Variants in WFDC9 observed in about 807,000 individuals in gnomAD.
WFDC9 encodes WAP four-disulfide core domain 9, also known as protein WFDC9.
WFDC9 carries 9 observed loss-of-function variants against 9.5 expected under a neutral mutation model. The ratio of observed to expected loss-of-function variants is 0.95; its 90% CI spans 0.57 to 1.65. The LOEUF is 1.65. Among genes scored for constraint, WFDC9 ranks in the 40% most tolerant of loss-of-function variants. The pLI is 0.00. For missense variants in WFDC9, 87 were observed against 106.7 expected, an observed-to-expected ratio of 0.82 and a Z score of 0.81; for synonymous variants, 33 against 32.3, an observed-to-expected ratio of 1.02 and a Z score of -0.07.
intron 3 of WFDC9, among the ~76,000 whole-genome samples, chr20:45,609,266 T>G (rs3092639): frequency 0.088 from 13,247 of 150,668 alleles, 592 homozygotes; most frequent in Middle Eastern, 0.11. Flanking sequence ...TGCAACGGCA[T>G]GATCTCAGCT....
At chr20:45,610,992 G>C (rs1981848644) in intron 2 of WFDC9, among the ~76,000 whole-genome samples, 1 of 152,190 alleles carries the variant, frequency 6.6e-6, no homozygotes, top group Non-Finnish European at 1.5e-5. Context: ...AGACTTTAAA[G>C]GGTGACTTTA....
intron 1 of WFDC9, among the ~76,000 whole-genome samples, chr20:45,624,762 A>G (rs1982179229): frequency 6.6e-6 from 1 of 152,172 alleles, no homozygotes; most frequent in Non-Finnish European, 1.5e-5. Flanking sequence ...TATTGTAGCG[A>G]TCCTGACTGG....
At chr20:45,629,399 G>T (rs1048899925) in intron 1 of WFDC9, 3 of 154,486 alleles carry the variant, frequency 1.9e-5, no homozygotes, top group African/African-American at 4.8e-5. Context: ...TATATTAAAA[G>T]GATTGTTTAT....
At chr20:45,623,263 A>G (rs1451992853) in intron 1 of WFDC9, among the ~76,000 whole-genome samples, 11 of 152,192 alleles carry the variant, frequency 7.2e-5, no homozygotes, top group African/African-American at 2.4e-4. Flanking sequence ...ATGTTGTTGC[A>G]TCTTTATTTC....
intron 1 of WFDC9, chr20:45,629,676 C>T: frequency 1.8e-6 from 2 of 1,123,358 alleles, no homozygotes; most frequent in South Asian, 3.2e-5. Context: ...CTCTCTTGCT[C>T]TGCTCCGACT....
chr20:45,622,997 T>C (rs4812939), intron 1 of WFDC9, among the ~76,000 whole-genome samples: 2,947 of 152,268 alleles, frequency 0.019, 98 homozygotes, highest in Admixed American at 0.099. Flanking sequence ...TAGGTTAAGT[T>C]AAGCTAAGTG....
intron 3 of WFDC9, 97 bp from the exon 4 acceptor site, chr20:45,608,907 C>G: frequency 1.5e-6 from 2 of 1,329,530 alleles, no homozygotes; most frequent in Non-Finnish European, 2.0e-6. Flanking sequence ...GAGCTCCAAG[C>G]CACAAAGTAT....
Position 45,627,797 on chromosome 20 carries a change from C to A in WFDC9, c.-153+3406G>T, listed in dbSNP as rs571281935. 2.2e-4 allele frequency among the ~76,000 whole-genome samples: 34 copies of A among 152,188 alleles called. No individual in the cohort carries two copies. The South Asian group carries it at 7.1e-3, about 32-fold the overall frequency. ...TTTTGAGTAATTGTCTTTTTTTAGA[C>A]TAATTTCTAATTATTTCCATTATAG... On this transcript the variant is annotated intron_variant, in intron 1 of 4. Coordinates refer to ENST00000326000, the MANE Select transcript of WFDC9 (RefSeq NM_147198.4).
At chr20:45,620,255 G>C (rs1357019302) in intron 1 of WFDC9, among the ~76,000 whole-genome samples, 1 of 152,078 alleles carries the variant, frequency 6.6e-6, no homozygotes, top group Non-Finnish European at 1.5e-5. Flanking sequence ...TAGTCATTTG[G>C]AATTTTTTAG....
chr20:45,612,905 G>A (rs376750854), intron 2 of WFDC9, among the ~76,000 whole-genome samples: 3 of 152,066 alleles, frequency 2.0e-5, no homozygotes, highest in African/African-American at 7.2e-5. Context: ...CAAATAGGAA[G>A]GAAAATAAGA....
In WFDC9 at chr20:45,608,134, G is replaced by C. The variant is rs199575341; in HGVS notation, c.246C>G (p.Pro82=). 3 of 1,612,354 alleles carry C rather than the reference G, an allele frequency of 1.9e-6. No homozygotes were observed. The highest frequency in any genetic ancestry group is 4.5e-5 in the East Asian group (2 of 44,868). The change falls in exon 5 of 5, where the codon CCC becomes CCG. Residue 82 remains proline, a synonymous_variant. Transcript: ENST00000326000. Reference sequence around the variant, plus strand: ...TCTAGGGGTTTAGCATTGATTTAAGGGGCTCTCTAGAAGAGAAAAGTTAGT... The same window carrying C: ...TCTAGGGGTTTAGCATTGATTTAAGCGGCTCTCTAGAAGAGAAAAGTTAGT... ...CGNICLDNEE[P]LKSMLNP is the part of the protein sequence containing the mutation.
At chr20:45,623,045 C>T (rs1600922358) in intron 1 of WFDC9, among the ~76,000 whole-genome samples, 2 of 152,004 alleles carry the variant, frequency 1.3e-5, no homozygotes, top group South Asian at 4.2e-4. Context: ...GAGGGGGAAA[C>T]TAATGGATGG....
intron 4 of WFDC9, 59 bp downstream of exon 4, chr20:45,608,604 G>A (rs567249157): frequency 1.3e-4 from 197 of 1,547,618 alleles, no homozygotes; most frequent in African/African-American, 6.1e-4. Flanking sequence ...TTGAATAGTC[G>A]GTAAGGACCA....
chr20:45,608,725 A>C lies in WFDC9; in HGVS notation c.177T>G (p.Thr59=). 1 of 1,614,120 alleles carries C rather than the reference A, an allele frequency of 6.2e-7. No individual in the cohort carries two copies. The highest frequency in any genetic ancestry group is 8.5e-7 in the Non-Finnish European group (1 of 1,179,968). The change falls in exon 4 of 5, where the codon ACT becomes ACG. Residue 59 remains threonine (T), a synonymous_variant. Transcript: ENST00000326000. ...AGCATGTATGATTTGGACGTACACA[A>C]GTCATTATTTTAGTACACCTTTTCT... ...YCEKRCTKIM[T]CVRPNHTCCW... is the part of the protein sequence containing the mutation.
At chr20:45,630,385 G>A (rs1568655982) in intron 1 of WFDC9, among the ~76,000 whole-genome samples, 1 of 152,088 alleles carries the variant, frequency 6.6e-6, no homozygotes, top group Non-Finnish European at 1.5e-5. Flanking sequence ...GGAGAGTGGT[G>A]GTGGAAAGGG....
chr20:45,612,406 A>G (rs1981881207), intron 2 of WFDC9, among the ~76,000 whole-genome samples: 2 of 152,120 alleles, frequency 1.3e-5, no homozygotes, highest in East Asian at 3.9e-4. Context: ...GGTGAACAAA[A>G]CAGACAAAAA....
chr20:45,622,357 A>G (rs951788781), intron 1 of WFDC9, among the ~76,000 whole-genome samples: 2 of 152,064 alleles, frequency 1.3e-5, no homozygotes, highest in African/African-American at 2.4e-5. Flanking sequence ...TTCTTTCTCT[A>G]TTCTTTTATG....
chr20:45,619,900 C>T (rs1447328338), intron 1 of WFDC9, among the ~76,000 whole-genome samples: 2 of 152,038 alleles, frequency 1.3e-5, no homozygotes, highest in Non-Finnish European at 2.9e-5. Flanking sequence ...GTGGTGGGTG[C>T]CTATAATCCC....
chr20:45,616,677 A>G (rs1366093349), intron 1 of WFDC9, among the ~76,000 whole-genome samples: 1 of 152,218 alleles, frequency 6.6e-6, no homozygotes, highest in Admixed American at 6.5e-5. Flanking sequence ...CTCTTGGTCC[A>G]TGGGCTGAAG....
Sources: allele counts gnomAD v4.1 joint callset (sites outside exome capture counted in the v4.1 genomes callset), GRCh38; gene constraint gnomAD v4.1.1; transcripts MANE v1.5; gene names NCBI Gene and HGNC (gene_info 2026-07-23, HGNC 2026-07-21).